PTK2: variants seen among roughly 807,000 people sequenced by gnomAD.
PTK2 encodes the protein focal adhesion kinase 1.
Under a neutral mutation model 150.1 loss-of-function variants are expected in PTK2, and 45 were observed. The ratio of observed to expected loss-of-function variants is 0.30; its 90% CI spans 0.24 to 0.38. The LOEUF is 0.38. PTK2 is among the 10% of genes least tolerant of loss of function. The probability of loss-of-function intolerance (pLI) is 1.00; values close to 1 mark genes in which losing one functional copy is unlikely to be tolerated. For synonymous variants in PTK2, 432 were observed against 449.2 expected, an observed-to-expected ratio of 0.96 and a Z score of 0.48; for missense variants, 919 against 1,307.3, an observed-to-expected ratio of 0.70 and a Z score of 4.58.
chr8:140,757,517 T>C (rs1028439557), intron 16 of PTK2, among the ~76,000 whole-genome samples: 40 of 152,278 alleles, frequency 2.6e-4, no homozygotes, highest in African/African-American at 8.9e-4. Flanking sequence ...TTATCTGTTA[T>C]CTTTGATTAA....
At chr8:140,727,292 A>C (rs148900788) in intron 22 of PTK2, among the ~76,000 whole-genome samples, 1 of 152,262 alleles carries the variant, frequency 6.6e-6, no homozygotes, top group East Asian at 1.9e-4. Flanking sequence ...AGTAGAAACA[A>C]TTTACGTTTT....
intron 26 of PTK2, among the ~76,000 whole-genome samples, chr8:140,697,747 T>C (rs994994850): frequency 6.6e-6 from 1 of 152,082 alleles, no homozygotes; most frequent in Non-Finnish European, 1.5e-5. Context: ...CATATATATT[T>C]CTGTTCCTTT....
chr8:140,717,192 T>C (rs2100040168), intron 23 of PTK2, among the ~76,000 whole-genome samples: 1 of 152,192 alleles, frequency 6.6e-6, no homozygotes, highest in Non-Finnish European at 1.5e-5. Context: ...CAAAGGAATA[T>C]GGTCAGGTAG....
chr8:140,717,685 A>C, exon 23 of PTK2: 1 of 1,614,006 alleles, frequency 6.2e-7, no homozygotes, highest in Non-Finnish European at 8.5e-7. Flanking sequence ...CTTCTTGCTG[A>C]GCCTTCTCTT....
At chr8:140,910,088 C>A (rs745416805) in intron 2 of PTK2, among the ~76,000 whole-genome samples, 2 of 152,010 alleles carry the variant, frequency 1.3e-5, no homozygotes, top group Non-Finnish European at 2.9e-5. Context: ...TAAGAATATA[C>A]AATAGTCAGG....
rs370291254 is a variant in PTK2 at position 140,853,763 on chromosome 8, C to T, written c.451-7085G>A. On this transcript the variant is annotated intron_variant, in intron 5 of 31. Transcript: ENST00000522684. ...AAATGTACACAATTAAATCTTCAAACCACAGAAAATAAACCTTCTAATAAG... is the reference window on the plus strand; with the variant it reads ...AAATGTACACAATTAAATCTTCAAATCACAGAAAATAAACCTTCTAATAAG... 1.6e-3 allele frequency among the ~76,000 whole-genome samples: 239 copies of T among 152,236 alleles called. 1 individual carries two copies. In the South Asian group the frequency reaches 0.027, roughly 17 times the overall value.
intron 8 of PTK2, among the ~76,000 whole-genome samples, chr8:140,819,810 G>T (rs2100107059): frequency 6.6e-6 from 1 of 152,166 alleles, no homozygotes; most frequent in Non-Finnish European, 1.5e-5. Context: ...ATGATAGGTG[G>T]TCTTCCAGTC....
At chr8:140,745,968 C>G (rs1424558964) in intron 18 of PTK2, among the ~76,000 whole-genome samples, 2 of 150,760 alleles carry the variant, frequency 1.3e-5, no homozygotes, top group Non-Finnish European at 3.0e-5. Flanking sequence ...CCATTGCACT[C>G]CAGCTTGGGC....
chr8:140,930,472 G>A (rs1253528042), intron 1 of PTK2, among the ~76,000 whole-genome samples: 3 of 152,180 alleles, frequency 2.0e-5, no homozygotes, highest in Admixed American at 2.0e-4. Context: ...GACAACTGAT[G>A]CTTTTTTCCT....
intron 23 of PTK2, among the ~76,000 whole-genome samples, chr8:140,714,615 G>A (rs945038558): frequency 2.0e-5 from 3 of 151,618 alleles, no homozygotes; most frequent in Non-Finnish European, 2.9e-5. Flanking sequence ...TGGCCAACAT[G>A]GTGAAACCCT....
chr8:140,814,870 G>C (rs1379286995), intron 10 of PTK2, among the ~76,000 whole-genome samples: 1 of 151,882 alleles, frequency 6.6e-6, no homozygotes, highest in African/African-American at 2.4e-5. Flanking sequence ...CGCCTCCCGG[G>C]TTGATGCCAT....
chr8:140,883,394 C>T (rs2100150377), intron 3 of PTK2, among the ~76,000 whole-genome samples: 1 of 152,146 alleles, frequency 6.6e-6, no homozygotes, highest in Non-Finnish European at 1.5e-5. Flanking sequence ...ATATTTTTAG[C>T]TATAGTCTCA....
intron 13 of PTK2, among the ~76,000 whole-genome samples, chr8:140,789,785 A>C (rs898882045): frequency 2.6e-5 from 4 of 152,202 alleles, no homozygotes; most frequent in Non-Finnish European, 4.4e-5. Flanking sequence ...AATGCAATAC[A>C]ATTTAATCTG....
At chr8:140,946,107 G>T (rs886345629) in intron 1 of PTK2, among the ~76,000 whole-genome samples, 1 of 152,108 alleles carries the variant, frequency 6.6e-6, no homozygotes, top group African/African-American at 2.4e-5. Flanking sequence ...TGTGTCTAGG[G>T]GGTGAAGACA....
intron 1 of PTK2, among the ~76,000 whole-genome samples, chr8:140,926,202 A>C (rs1265534898): frequency 6.6e-6 from 1 of 152,242 alleles, no homozygotes; most frequent in Non-Finnish European, 1.5e-5. Flanking sequence ...TTAATACTTT[A>C]AATAACCAAT....
chr8:140,831,400 A>G (rs1423874657), intron 7 of PTK2, among the ~76,000 whole-genome samples: 1 of 152,240 alleles, frequency 6.6e-6, no homozygotes, highest in East Asian at 1.9e-4. Flanking sequence ...ATCACATACT[A>G]TATCACATAT....
chr8:140,704,944 A>G (rs1468156754), intron 24 of PTK2, among the ~76,000 whole-genome samples: 1 of 152,202 alleles, frequency 6.6e-6, no homozygotes, highest in Non-Finnish European at 1.5e-5. Context: ...ATGAACAGAC[A>G]GGTGCCCTCG....
At chr8:140,705,273 C>T (rs771383708) in intron 24 of PTK2, among the ~76,000 whole-genome samples, 5 of 152,150 alleles carry the variant, frequency 3.3e-5, no homozygotes, top group Middle Eastern at 3.2e-3. Flanking sequence ...TTAAACCACG[C>T]TTTCAACAAC....
At position 140,944,603 on chromosome 8, in the gene PTK2, C is replaced by T. The variant is rs78875918; in HGVS notation, c.-121-18854G>A. Reference sequence around the variant, plus strand: ...TAACACAATGACTGACACATGACAGCGATTACGATTTATGACTATTTCCTT... The same window carrying T: ...TAACACAATGACTGACACATGACAGTGATTACGATTTATGACTATTTCCTT... On this transcript the variant is annotated intron_variant, in intron 1 of 31. Transcript: ENST00000522684. Among the ~76,000 whole-genome samples, 77 of 152,248 alleles carry T rather than the reference C, an allele frequency of 5.1e-4. No individual in the cohort carries two copies. In the East Asian group the frequency reaches 6.4e-3, roughly 13 times the overall value.
Sources: gnomAD v4.1 joint callset for allele counts (sites outside exome capture counted in the v4.1 genomes callset) on GRCh38, gnomAD v4.1.1 for gene constraint, MANE v1.5 for transcripts, NCBI Gene and HGNC (gene_info 2026-07-23, HGNC 2026-07-21) for gene names.